The following EXT2 variants were observed in gnomAD, a reference collection of about 807,000 sequenced individuals.
The protein encoded by EXT2 is exostosin-2.
In EXT2, 53 loss-of-function variants were observed where a neutral mutation model predicts 81.6. The observed-to-expected ratio is 0.65, with a 90% CI of 0.52 to 0.82. The LOEUF is 0.82. EXT2 is among the 40% of genes least tolerant of loss of function. The probability of loss-of-function intolerance (pLI) is 0.00; values close to 1 mark genes in which losing one functional copy is unlikely to be tolerated. For missense variants in EXT2, 774 were observed against 910.2 expected (o/e 0.85, Z 1.93); for synonymous variants, 320 against 340.0 (o/e 0.94, Z 0.65).
chr11:44,235,885 G>A (rs1185222957), intron 12 of EXT2, among the ~76,000 whole-genome samples: 1 of 152,198 alleles, frequency 6.6e-6, no homozygotes, highest in Non-Finnish European at 1.5e-5. Context: ...TTTGCCATTA[G>A]CTGGAAAGAG....
intron 8 of EXT2, among the ~76,000 whole-genome samples, chr11:44,196,326 A>T (rs1430659560): frequency 6.6e-6 from 1 of 152,178 alleles, no homozygotes; most frequent in East Asian, 1.9e-4. Flanking sequence ...TTTTTAAAAA[A>T]TTCACTGTGC....
In EXT2 at chr11:44,234,108, T is replaced by C; in HGVS notation, c.1807-7T>C. On this transcript the variant is annotated splice_polypyrimidine_tract_variant and splice_region_variant and intron_variant, in intron 11 of 13. Transcript: ENST00000533608. ...TGAATATTTCTTCTTTCTGTCTCACTTGACAGTATTTTAATTACCTGTATA... is the reference window on the plus strand; with the variant it reads ...TGAATATTTCTTCTTTCTGTCTCACCTGACAGTATTTTAATTACCTGTATA... 3 of 1,614,090 alleles carry C rather than the reference T, an allele frequency of 1.9e-6. No individual in the cohort carries two copies. The South Asian group carries it at 3.3e-5, about 18-fold the overall frequency.
chr11:44,116,719 T>C (rs1212584241), intron 4 of EXT2: 1 of 152,226 alleles, frequency 6.6e-6, no homozygotes, highest in Non-Finnish European at 1.5e-5. Context: ...TGTGAAGTCA[T>C]ATCTTCATTG....
At chr11:44,177,863 G>A (rs1955180735) in intron 8 of EXT2, among the ~76,000 whole-genome samples, 1 of 151,984 alleles carries the variant, frequency 6.6e-6, no homozygotes, top group African/African-American at 2.4e-5. Context: ...AAATTGATGA[G>A]AAAAATGGGG....
intron 7 of EXT2, among the ~76,000 whole-genome samples, chr11:44,136,981 GTT>G (rs1038243663): frequency 6.8e-6 from 1 of 147,152 alleles, no homozygotes. Flanking sequence ...AAATTTCACA[GTT>G]TTTTTTTTTC....
intron 8 of EXT2, among the ~76,000 whole-genome samples, chr11:44,183,145 G>T (rs1180520819): frequency 6.6e-6 from 1 of 152,206 alleles, no homozygotes; most frequent in South Asian, 2.1e-4. Context: ...GAGAACACAT[G>T]ATGTCAATTT....
chr11:44,224,152 T>G (rs950937878), intron 10 of EXT2, among the ~76,000 whole-genome samples: 3 of 152,200 alleles, frequency 2.0e-5, no homozygotes, highest in African/African-American at 7.2e-5. Context: ...TATCTCAAAC[T>G]AAAATGTTTA....
chr11:44,238,716 C>A (rs534099595), intron 13 of EXT2, among the ~76,000 whole-genome samples: 21 of 152,176 alleles, frequency 1.4e-4, no homozygotes, highest in Non-Finnish European at 2.6e-4. Flanking sequence ...TTGAAGTGAT[C>A]CTTCAAAAAT....
intron 4 of EXT2, among the ~76,000 whole-genome samples, chr11:44,120,519 A>G (rs1159541970): frequency 9.2e-5 from 14 of 152,132 alleles, no homozygotes; most frequent in Admixed American, 8.5e-4. Flanking sequence ...GAAAACCAAG[A>G]CAAAAAAAAA....
At chr11:44,177,215 T>G (rs1030080245) in intron 8 of EXT2, among the ~76,000 whole-genome samples, 2 of 152,226 alleles carry the variant, frequency 1.3e-5, no homozygotes, top group Non-Finnish European at 2.9e-5. Context: ...TTAGGGGAAG[T>G]GTGCATGTTT....
intron 7 of EXT2, among the ~76,000 whole-genome samples, chr11:44,136,621 G>A (rs1954571541): frequency 6.6e-6 from 1 of 152,182 alleles, no homozygotes; most frequent in Non-Finnish European, 1.5e-5. Context: ...CAGTATCAGT[G>A]TTATAATGTC....
intron 10 of EXT2, among the ~76,000 whole-genome samples, chr11:44,223,948 G>C (rs1250994361): frequency 1.3e-5 from 2 of 152,160 alleles, no homozygotes; most frequent in Non-Finnish European, 2.9e-5. Flanking sequence ...ACTGCACCTG[G>C]CCCGACAATT....
At chr11:44,209,149 A>G (rs1184803094) in intron 10 of EXT2, among the ~76,000 whole-genome samples, 1 of 152,226 alleles carries the variant, frequency 6.6e-6, no homozygotes, top group Admixed American at 6.5e-5. Flanking sequence ...TTTGCATTGG[A>G]TGAAATTACA....
At chr11:44,185,237 C>T (rs1955294520) in intron 8 of EXT2, among the ~76,000 whole-genome samples, 2 of 152,342 alleles carry the variant, frequency 1.3e-5, no homozygotes, top group Admixed American at 1.3e-4. Context: ...ACCCCTGCAA[C>T]AAGCTTGGCC....
chr11:44,144,032 G>C (rs1054538780), intron 7 of EXT2, among the ~76,000 whole-genome samples: 1 of 152,158 alleles, frequency 6.6e-6, no homozygotes, highest in Admixed American at 6.6e-5. Flanking sequence ...AAAGGAGCAG[G>C]TCTTTCAAGT....
At chr11:44,098,548 A>G (rs1953933548) in intron 1 of EXT2, among the ~76,000 whole-genome samples, 1 of 151,896 alleles carries the variant, frequency 6.6e-6, no homozygotes, top group African/African-American at 2.4e-5. Context: ...ACAAAAAATT[A>G]GCCGGGGATG....
intron 8 of EXT2, among the ~76,000 whole-genome samples, chr11:44,195,423 ACT>A (rs34956070): frequency 0.25 from 38,014 of 150,258 alleles, 5,810 homozygotes; most frequent in Admixed American, 0.42. Flanking sequence ...AACGAGTGAA[ACT>A]CTGTCTCAAA....
chr11:44,164,459 A>G (rs867601105), intron 7 of EXT2, among the ~76,000 whole-genome samples: 106 of 152,310 alleles, frequency 7.0e-4, no homozygotes, highest in African/African-American at 2.5e-3. Context: ...TCTTTCCACT[A>G]TGCCACACTG....
Position 44,244,318 on chromosome 11 carries a change from G to A in EXT2, c.*31G>A, listed in dbSNP as rs769466476. On this transcript the variant is annotated 3_prime_UTR_variant, in exon 14 of 14. Transcript: ENST00000533608. The stretch of plus-strand genomic sequence containing the variant: ...GTCATTGGTGGAGGTCTGAATGTGA[G>A]GCTGGGACAGAGGGAGAGAACAAGG... 11 of 1,613,316 alleles carry A rather than the reference G, an allele frequency of 6.8e-6. No individual in the cohort carries two copies. The South Asian group carries it at 8.8e-5, about 13-fold the overall frequency.
Sources: gnomAD v4.1 joint callset for allele counts (sites outside exome capture counted in the v4.1 genomes callset) on GRCh38, gnomAD v4.1.1 for gene constraint, MANE v1.5 for transcripts, NCBI Gene and HGNC (gene_info 2026-07-23, HGNC 2026-07-21) for gene names.